Variants in SCHIP1 observed in about 807,000 individuals in gnomAD.
The protein encoded by SCHIP1 is schwannomin-interacting protein 1.
A neutral mutation model predicts 29.7 loss-of-function variants in SCHIP1; 8 were observed. The observed-to-expected ratio is 0.27, with a 90% CI of 0.16 to 0.49. The LOEUF (loss-of-function observed/expected upper bound fraction) is 0.49. Among genes scored for constraint, SCHIP1 ranks in the 20% least tolerant of loss-of-function variants. The pLI is 0.99. For synonymous variants in SCHIP1, 76 were observed against 94.9 expected (o/e 0.80, Z 1.16); for missense variants, 193 against 294.6 (o/e 0.66, Z 2.52).
At chr3:159,383,725 T>A in the SCHIP1 span, among the ~76,000 whole-genome samples, 82 of 142,570 alleles carry the variant, frequency 5.8e-4, 2 homozygotes, top group African/African-American at 2.0e-3. Context: ...TGATATTGAT[T>A]CTTCCTACCC....
the SCHIP1 span, among the ~76,000 whole-genome samples, chr3:159,647,801 G>A: frequency 9.2e-5 from 14 of 152,068 alleles, no homozygotes; most frequent in African/African-American, 1.7e-4. Flanking sequence ...AACTAAATAC[G>A]TATTTCTTCC....
chr3:159,592,389 T>C, the SCHIP1 span, among the ~76,000 whole-genome samples: 131 of 152,080 alleles, frequency 8.6e-4, 1 homozygote, highest in South Asian at 0.014. Flanking sequence ...AAATTATAGA[T>C]TGGATAAGCC....
intron 1 of SCHIP1, among the ~76,000 whole-genome samples, chr3:159,848,876 T>C (rs778401449): frequency 2.0e-5 from 3 of 152,112 alleles, no homozygotes; most frequent in Non-Finnish European, 4.4e-5. Flanking sequence ...CTGAAAACGG[T>C]GGCACAGCTC....
chr3:159,812,599 G>C, the SCHIP1 span, among the ~76,000 whole-genome samples: 165 of 152,210 alleles, frequency 1.1e-3, no homozygotes, highest in African/African-American at 3.9e-3. Flanking sequence ...ATAAAACAAC[G>C]TCACATGGCA....
the SCHIP1 span, among the ~76,000 whole-genome samples, chr3:159,439,745 A>C: frequency 6.6e-6 from 1 of 151,786 alleles, no homozygotes; most frequent in Non-Finnish European, 1.5e-5. Context: ...TTTTCTTGTA[A>C]ATTTGTTTAA....
chr3:159,738,532 A>G, the SCHIP1 span, among the ~76,000 whole-genome samples: 2 of 152,232 alleles, frequency 1.3e-5, no homozygotes, highest in African/African-American at 4.8e-5. Context: ...TGAACAATGA[A>G]TTAAATAATG....
chr3:159,345,820 C>T, the SCHIP1 span, among the ~76,000 whole-genome samples: 1 of 152,122 alleles, frequency 6.6e-6, no homozygotes, highest in Non-Finnish European at 1.5e-5. Flanking sequence ...CTTGGAACAT[C>T]CCAGGGCCAC....
At chr3:159,412,476 T>C in the SCHIP1 span, among the ~76,000 whole-genome samples, 4 of 152,214 alleles carry the variant, frequency 2.6e-5, no homozygotes, top group East Asian at 7.7e-4. Context: ...GCAAGAATTT[T>C]AACATCAGTT....
the SCHIP1 span, among the ~76,000 whole-genome samples, chr3:159,427,198 A>G: frequency 1.2e-4 from 18 of 151,868 alleles, no homozygotes; most frequent in African/African-American, 4.1e-4. Context: ...AGTTCTGGCC[A>G]GGGCAATTAG....
chr3:159,508,879 T>C, the SCHIP1 span, among the ~76,000 whole-genome samples: 1 of 152,246 alleles, frequency 6.6e-6, no homozygotes, highest in Admixed American at 6.5e-5. Flanking sequence ...AGGAGTGCTT[T>C]ACTTCCAACT....
chr3:159,277,971 A>C, the SCHIP1 span, among the ~76,000 whole-genome samples: 1 of 152,046 alleles, frequency 6.6e-6, no homozygotes, highest in Non-Finnish European at 1.5e-5. Flanking sequence ...TAAAGCATTG[A>C]GCTTCTCATC....
chr3:159,469,088 G>A, the SCHIP1 span, among the ~76,000 whole-genome samples: 1 of 151,904 alleles, frequency 6.6e-6, no homozygotes, highest in Non-Finnish European at 1.5e-5. Flanking sequence ...TTTTATTAAG[G>A]AAACAGAATT....
the SCHIP1 span, among the ~76,000 whole-genome samples, chr3:159,521,567 A>G: frequency 1.3e-5 from 2 of 152,180 alleles, no homozygotes; most frequent in African/African-American, 4.8e-5. Flanking sequence ...AGGTGCCTTC[A>G]CTCATTTGTA....
At chr3:159,889,912 T>C (rs1717326771) in intron 5 of SCHIP1, among the ~76,000 whole-genome samples, 1 of 151,976 alleles carries the variant, frequency 6.6e-6, no homozygotes, top group Non-Finnish European at 1.5e-5. Flanking sequence ...CTGGCTAACA[T>C]GGTGAAACCC....
chr3:159,727,741 T>C, the SCHIP1 span, among the ~76,000 whole-genome samples: 466 of 152,230 alleles, frequency 3.1e-3, 3 homozygotes, highest in African/African-American at 0.011. Flanking sequence ...TACATTTGGT[T>C]TCCTGCCTAT....
chr3:159,584,224 C>G, the SCHIP1 span, among the ~76,000 whole-genome samples: 1 of 152,168 alleles, frequency 6.6e-6, no homozygotes, highest in Non-Finnish European at 1.5e-5. Flanking sequence ...TTTGTTGGCT[C>G]CTTCTTAATT....
the SCHIP1 span, among the ~76,000 whole-genome samples, chr3:159,494,355 A>T: frequency 6.6e-6 from 1 of 152,212 alleles, no homozygotes; most frequent in African/African-American, 2.4e-5. Context: ...ATAGACCGCT[A>T]GCAAGACTAA....
chr3:159,364,029 G>C, the SCHIP1 span, among the ~76,000 whole-genome samples: 1 of 152,118 alleles, frequency 6.6e-6, no homozygotes, highest in Non-Finnish European at 1.5e-5. Context: ...TCACAGTGTT[G>C]CACTTCTGGT....
chr3:159,461,714 T>C, the SCHIP1 span, among the ~76,000 whole-genome samples: 1 of 151,854 alleles, frequency 6.6e-6, no homozygotes, highest in Non-Finnish European at 1.5e-5. Context: ...CAGTTACTAT[T>C]TTGAGAGTGT....
Sources: gnomAD v4.1 joint callset for allele counts (sites outside exome capture counted in the v4.1 genomes callset) on GRCh38, gnomAD v4.1.1 for gene constraint, MANE v1.5 for transcripts, NCBI Gene and HGNC (gene_info 2026-07-23, HGNC 2026-07-21) for gene names.